Variants in TBC1D22A observed in about 807,000 individuals in gnomAD.
TBC1D22A encodes putative GTPase activator.
Under a neutral mutation model 60.2 loss-of-function variants are expected in TBC1D22A, and 38 were observed. The ratio of observed to expected loss-of-function variants is 0.63; its 90% CI spans 0.49 to 0.83. TBC1D22A has a LOEUF of 0.83. TBC1D22A is among the 40% of genes least tolerant of loss of function. The probability of loss-of-function intolerance (pLI) is 0.00; values close to 1 mark genes in which losing one functional copy is unlikely to be tolerated. For synonymous variants in TBC1D22A, 302 were observed against 281.7 expected, an observed-to-expected ratio of 1.07 and a Z score of -0.72; for missense variants, 628 against 701.0, an observed-to-expected ratio of 0.90 and a Z score of 1.18.
At chr22:46,852,682 C>T (rs1212388832) in intron 4 of TBC1D22A, among the ~76,000 whole-genome samples, 2 of 152,188 alleles carry the variant, frequency 1.3e-5, no homozygotes, top group Admixed American at 6.5e-5. Flanking sequence ...CCAGCCTTTT[C>T]CTCACATCAG....
intron 10 of TBC1D22A, among the ~76,000 whole-genome samples, chr22:47,002,549 T>G (rs746250618): frequency 2.0e-5 from 3 of 152,258 alleles, no homozygotes; most frequent in Non-Finnish European, 4.4e-5. Flanking sequence ...AAAGAATATT[T>G]GAAACCTCAG....
chr22:46,840,600 GT>G lies in TBC1D22A; in HGVS notation c.638-38052del, dbSNP rs1569114516. Among the ~76,000 whole-genome samples, 108 of 152,294 alleles carry G rather than the reference GT, an allele frequency of 7.1e-4. 1 individual carries two copies. The highest frequency in any genetic ancestry group is 2.2e-3 in the African/African-American group (91 of 41,552). On this transcript the variant is annotated intron_variant, in intron 4 of 12. Coordinates refer to ENST00000337137, the MANE Select transcript of TBC1D22A (RefSeq NM_014346.5). ...ATACAAAAATTAGCTGGGCATGGTAGTGTGCGCCTGTAGTCCCAGCTACTTG... is the reference window on the plus strand; with the variant it reads ...ATACAAAAATTAGCTGGGCATGGTAGGTGCGCCTGTAGTCCCAGCTACTTG...
At chr22:46,933,973 T>G (rs1223908974) in intron 8 of TBC1D22A, among the ~76,000 whole-genome samples, 1 of 152,194 alleles carries the variant, frequency 6.6e-6, no homozygotes, top group Non-Finnish European at 1.5e-5. Flanking sequence ...AAAGCTGGAC[T>G]CCCACTTTGT....
At chr22:46,790,032 G>A (rs548380440) in intron 1 of TBC1D22A, among the ~76,000 whole-genome samples, 11 of 152,260 alleles carry the variant, frequency 7.2e-5, no homozygotes, top group Non-Finnish European at 1.5e-4. Flanking sequence ...GTCTTTCTGT[G>A]ACTGCTCTAG....
At chr22:46,895,595 C>T (rs1326559467) in intron 7 of TBC1D22A, among the ~76,000 whole-genome samples, 1 of 152,204 alleles carries the variant, frequency 6.6e-6, no homozygotes, top group Non-Finnish European at 1.5e-5. Context: ...TGGTCTTGAA[C>T]TCCTGACCTC....
chr22:46,905,417 G>A (rs868438242), intron 7 of TBC1D22A, among the ~76,000 whole-genome samples: 3 of 152,178 alleles, frequency 2.0e-5, no homozygotes, highest in Non-Finnish European at 2.9e-5. Flanking sequence ...TGTGCCTGTC[G>A]CCTCTGCTCA....
intron 11 of TBC1D22A, among the ~76,000 whole-genome samples, chr22:47,051,725 C>T (rs960803871): frequency 3.9e-5 from 6 of 152,182 alleles, no homozygotes; most frequent in African/African-American, 1.2e-4. Context: ...TCCCTGCAGC[C>T]CCAGGACTGC....
chr22:46,938,956 C>T (rs1409274119), intron 8 of TBC1D22A, among the ~76,000 whole-genome samples: 1 of 151,750 alleles, frequency 6.6e-6, no homozygotes, highest in African/African-American at 2.4e-5. Context: ...CATCAAGAAT[C>T]ATGTGATAGT....
rs75156337 is a variant in TBC1D22A, at chr22:47,084,325, A to G, written c.1330-27183A>G. On this transcript the variant is annotated intron_variant, in intron 11 of 12. Transcript: ENST00000337137. ...TCTTCCCGAGGTGCCACTTGAGAGC[A>G]CTGATTCTCCAGGGGTGACGACTGG... Among the ~76,000 whole-genome samples the G allele has an allele frequency of 6.2e-3, 943 of 152,350 alleles. 11 individuals carry two copies. The highest frequency in any genetic ancestry group is 0.021 in the African/African-American group (869 of 41,584).
rs537875845 is a variant in TBC1D22A at position 47,134,983 on chromosome 22, C to G, written c.1425+23380C>G. 5.5e-3 allele frequency among the ~76,000 whole-genome samples: 844 copies of G among 152,370 alleles called. 4 individuals are homozygous for G. The highest frequency in any genetic ancestry group is 7.2e-3 in the Non-Finnish European group (493 of 68,030). On this transcript the variant is annotated intron_variant, in intron 12 of 12. Coordinates refer to ENST00000337137, the MANE Select transcript of TBC1D22A (RefSeq NM_014346.5). ...GCCCACCACCTCCATGCCTGAAGGG[C>G]TGGCCACTTACCCGCTCCCTCAGGC... is the stretch of plus-strand genomic sequence containing the variant.
At chr22:46,972,053 G>A (rs1054273537) in intron 8 of TBC1D22A, among the ~76,000 whole-genome samples, 3 of 152,174 alleles carry the variant, frequency 2.0e-5, no homozygotes, top group East Asian at 1.9e-4. Flanking sequence ...TCCTAGCCCC[G>A]CATTCGAGGA....
chr22:46,900,807 G>T (rs1220664269), intron 7 of TBC1D22A, among the ~76,000 whole-genome samples: 1 of 152,174 alleles, frequency 6.6e-6, no homozygotes, highest in Non-Finnish European at 1.5e-5. Context: ...GGACACTGGA[G>T]TTCTTTCTAA....
intron 4 of TBC1D22A, among the ~76,000 whole-genome samples, chr22:46,821,667 A>G (rs1363401445): frequency 6.6e-6 from 1 of 152,116 alleles, no homozygotes; most frequent in East Asian, 1.9e-4. Context: ...TGTTCTTAAC[A>G]GTTTTTCCTT....
Position 46,886,501 on chromosome 22 carries a change from C to G in TBC1D22A, c.709-4765C>G, listed in dbSNP as rs546305791. On this transcript the variant is annotated intron_variant, in intron 5 of 12. Coordinates refer to ENST00000337137, the MANE Select transcript of TBC1D22A (RefSeq NM_014346.5). ...AGGCGGTTGTGACCCGATGCCCTTT[C>G]TGCCAGGGCTACTTGGAAATCACGC... is the stretch of plus-strand genomic sequence containing the variant. 1.1e-3 allele frequency among the ~76,000 whole-genome samples: 175 copies of G among 152,366 alleles called. 3 individuals are homozygous for G. Among genetic ancestry groups the G allele is most frequent in the Admixed American group, 0.011 (174 of 15,304 alleles).
chr22:47,063,817 C>G (rs1450344402), intron 11 of TBC1D22A, among the ~76,000 whole-genome samples: 1 of 152,208 alleles, frequency 6.6e-6, no homozygotes, highest in African/African-American at 2.4e-5. Context: ...CTCGGCATTC[C>G]TGACTCATGG....
intron 10 of TBC1D22A, among the ~76,000 whole-genome samples, chr22:47,006,944 A>G (rs2061612394): frequency 1.3e-5 from 2 of 152,202 alleles, no homozygotes. Context: ...AGTGTCACAC[A>G]GGAGCTTGGG....
intron 8 of TBC1D22A, among the ~76,000 whole-genome samples, chr22:46,963,371 G>T (rs555854981): frequency 8.5e-5 from 13 of 152,122 alleles, no homozygotes; most frequent in Non-Finnish European, 1.5e-4. Context: ...CCTGGGTCCC[G>T]CAGTGCCCAA....
chr22:47,130,719 C>T (rs1010006524), intron 12 of TBC1D22A, among the ~76,000 whole-genome samples: 1 of 152,200 alleles, frequency 6.6e-6, no homozygotes, highest in African/African-American at 2.4e-5. Flanking sequence ...GTCTGCAAAA[C>T]TCAAGGTTTT....
Position 47,081,916 on chromosome 22 carries a change from G to C in TBC1D22A, c.1330-29592G>C, listed in dbSNP as rs572516084. On this transcript the variant is annotated intron_variant, in intron 11 of 12. Coordinates refer to ENST00000337137, the MANE Select transcript of TBC1D22A (RefSeq NM_014346.5). The stretch of plus-strand genomic sequence containing the variant: ...CTCATGCTTGTAATCCCAGCACTTT[G>C]GGAGGCCGAGGCGGGTGGATCACCT... Among the ~76,000 whole-genome samples, 6 of 152,292 alleles carry C rather than the reference G, an allele frequency of 3.9e-5. No individual in the cohort carries two copies. The South Asian group carries it at 1.2e-3, about 32-fold the overall frequency.
Sources: allele counts gnomAD v4.1 joint callset (sites outside exome capture counted in the v4.1 genomes callset), GRCh38; gene constraint gnomAD v4.1.1; transcripts MANE v1.5; gene names NCBI Gene and HGNC (gene_info 2026-07-23, HGNC 2026-07-21).